Variants in RAB11FIP4 observed in about 807,000 individuals in gnomAD.
RAB11FIP4 encodes rab11 family-interacting protein 4.
A neutral mutation model predicts 74.3 loss-of-function variants in RAB11FIP4; 23 were observed. The ratio of observed to expected loss-of-function variants is 0.31; its 90% CI spans 0.22 to 0.44. The LOEUF (loss-of-function observed/expected upper bound fraction) is 0.44, where lower values mean the gene tolerates loss of function less well. Among genes scored for constraint, RAB11FIP4 ranks in the 20% least tolerant of loss-of-function variants. RAB11FIP4 has a pLI of 1.00. For synonymous variants in RAB11FIP4, 360 were observed against 359.9 expected, an observed-to-expected ratio of 1.00 and a Z score of 0.00; for missense variants, 630 against 863.9, an observed-to-expected ratio of 0.73 and a Z score of 3.39.
intron 3 of RAB11FIP4, among the ~76,000 whole-genome samples, chr17:31,502,793 A>G (rs1383120941): frequency 6.6e-6 from 1 of 152,082 alleles, no homozygotes; most frequent in African/African-American, 2.4e-5. Context: ...GTAAACAACC[A>G]AAGTGTGTTT....
chr17:31,481,643 C>A (rs2071850470), intron 3 of RAB11FIP4, among the ~76,000 whole-genome samples: 1 of 152,146 alleles, frequency 6.6e-6, no homozygotes, highest in South Asian at 2.1e-4. Context: ...TCACCCAATT[C>A]AAGTCAAAAG....
At chr17:31,522,850 A>G in intron 7 of RAB11FIP4, 1 of 178,026 alleles carries the variant, frequency 5.6e-6, no homozygotes, top group Non-Finnish European at 1.2e-5. Flanking sequence ...GTCCACACTC[A>G]GGGCTCTGGG....
intron 3 of RAB11FIP4, among the ~76,000 whole-genome samples, chr17:31,509,709 C>T (rs2072417462): frequency 1.3e-5 from 2 of 152,178 alleles, no homozygotes; most frequent in Admixed American, 1.3e-4. Flanking sequence ...TTTGATCTCA[C>T]AGTATGTGGT....
At chr17:31,478,612 A>G (rs929440599) in intron 3 of RAB11FIP4, among the ~76,000 whole-genome samples, 2 of 152,152 alleles carry the variant, frequency 1.3e-5, no homozygotes, top group African/African-American at 4.8e-5. Context: ...GAAGACAACA[A>G]ATACTGCTTC....
intron 1 of RAB11FIP4, among the ~76,000 whole-genome samples, chr17:31,430,764 AGGATGAT>A (rs1271125425): frequency 1.3e-5 from 2 of 152,200 alleles, no homozygotes; most frequent in African/African-American, 4.8e-5. Flanking sequence ...CAGGAGAGAC[AGGATGAT>A]GGCTATGACC....
chr17:31,464,219 AC>A (rs569933928), intron 3 of RAB11FIP4, among the ~76,000 whole-genome samples: 2 of 146,386 alleles, frequency 1.4e-5, no homozygotes, highest in African/African-American at 2.5e-5. Context: ...AGTGTGGGGG[AC>A]CCCCCCAGCT....
At position 31,391,787 on chromosome 17, in the gene RAB11FIP4, G is replaced by A. The variant is rs2070873099; in HGVS notation, c.-66G>A. 1 of 970,132 alleles carries A rather than the reference G, an allele frequency of 1.0e-6. No individual in the cohort carries two copies. The highest frequency in any genetic ancestry group is 1.2e-6 in the Non-Finnish European group (1 of 818,608). 60.1% of individuals were successfully genotyped at this position (970,132 alleles called of 1,614,324 possible). A position where few individuals can be genotyped will look rare whatever the true frequency, so the allele number is the denominator to read the frequency against. ...GCGGCCCCGGAGGGCGCGCGGCGAT[G>A]GCGGCGGCGGGCAGGCGGCGGGCGC... On this transcript the variant is annotated 5_prime_UTR_variant, in exon 1 of 15. An upstream start codon of the reference 5' UTR is lost. Coordinates refer to ENST00000621161, the MANE Select transcript of RAB11FIP4 (RefSeq NM_032932.6).
intron 3 of RAB11FIP4, among the ~76,000 whole-genome samples, chr17:31,448,133 T>C (rs1332309334): frequency 1.3e-5 from 2 of 152,228 alleles, no homozygotes; most frequent in African/African-American, 4.8e-5. Flanking sequence ...TTAAATTGTT[T>C]TGCTTTAGAG....
chr17:31,445,562 ATATATATATATATATATTTTTTTTT>A lies in RAB11FIP4; in HGVS notation c.336+11442_336+11466del, dbSNP rs1370906619. On this transcript the variant is annotated intron_variant, in intron 3 of 14. Coordinates refer to ENST00000621161, the MANE Select transcript of RAB11FIP4 (RefSeq NM_032932.6). The stretch of plus-strand genomic sequence containing the variant: ...TATATATATATATATATATATATAT[ATATATATATATATATATTTTTTTTT>A]TTTTTTTTTTTTTTTTGACACGGAG... Among the ~76,000 whole-genome samples, 35 of 17,416 alleles carry A rather than the reference ATATATATATATATATATTTTTTTTT, an allele frequency of 2.0e-3. 1 individual carries two copies. The highest frequency in any genetic ancestry group is 3.5e-3 in the African/African-American group (23 of 6,556). The allele number at this position is 17,416 out of a possible 152,430, so 11.4% of individuals were successfully genotyped here. A position where few individuals can be genotyped will look rare whatever the true frequency, so the allele number is the denominator to read the frequency against.
At chr17:31,451,315 T>C (rs2071524665) in intron 3 of RAB11FIP4, among the ~76,000 whole-genome samples, 1 of 151,820 alleles carries the variant, frequency 6.6e-6, no homozygotes. Context: ...AAAAATTAGC[T>C]GGCCATGGTG....
Position 31,521,826 on chromosome 17 carries a change from G to T in RAB11FIP4, c.759-89G>T. 2.7e-6 allele frequency: 4 copies of T among 1,491,356 alleles called. No homozygotes were observed. The South Asian group carries it at 4.7e-5, about 18-fold the overall frequency. The allele number at this position is 1,491,356 out of a possible 1,614,324, so 92.4% of individuals were successfully genotyped here. ...CCGTAACAAGGTTCAAAGGTACTGG[G>T]GACTCAAGTAAAGTCAGCTCAGCAG... On this transcript the variant is annotated intron_variant, in intron 5 of 14. Coordinates refer to ENST00000621161, the MANE Select transcript of RAB11FIP4 (RefSeq NM_032932.6).
At chr17:31,438,977 T>C (rs1201953743) in intron 3 of RAB11FIP4, among the ~76,000 whole-genome samples, 1 of 152,022 alleles carries the variant, frequency 6.6e-6, no homozygotes, top group East Asian at 1.9e-4. Context: ...AGGTACCGCC[T>C]CCTCCAGGAA....
intron 4 of RAB11FIP4, among the ~76,000 whole-genome samples, chr17:31,520,124 A>G (rs2072635043): frequency 6.6e-6 from 1 of 152,058 alleles, no homozygotes; most frequent in Non-Finnish European, 1.5e-5. Flanking sequence ...AGACAAACTT[A>G]AAAAATAACA....
Position 31,517,638 on chromosome 17 carries a change from C to T in RAB11FIP4, c.337-13C>T. 6.3e-7 allele frequency: 1 copy of T among 1,588,322 alleles called. No homozygotes were observed. The highest frequency in any genetic ancestry group is 1.7e-4 in the Middle Eastern group (1 of 6,034). ...TGGCCTCACTTATCTTGTCTCTGCT[C>T]TCTCTTTCCCAGGGCAGCGAGGTCA... On this transcript the variant is annotated splice_polypyrimidine_tract_variant and intron_variant, in intron 3 of 14. Coordinates refer to ENST00000621161, the MANE Select transcript of RAB11FIP4 (RefSeq NM_032932.6).
intron 8 of RAB11FIP4, 34 bp downstream of exon 8, chr17:31,523,645 G>A: frequency 6.4e-7 from 1 of 1,560,594 alleles, no homozygotes; most frequent in Non-Finnish European, 8.8e-7. Flanking sequence ...GGGACTGAAT[G>A]CATGCCTGCT....
chr17:31,521,037 A>T, intron 4 of RAB11FIP4, 129 bp from the exon 5 acceptor site: 1 of 677,416 alleles, frequency 1.5e-6, no homozygotes, highest in Non-Finnish European at 2.5e-6. Flanking sequence ...AAATGTACTT[A>T]CCAGGTCAAG....
chr17:31,500,516 G>T (rs1440244825), intron 3 of RAB11FIP4, among the ~76,000 whole-genome samples: 1 of 152,238 alleles, frequency 6.6e-6, no homozygotes, highest in Non-Finnish European at 1.5e-5. Context: ...AAGGCTCCTT[G>T]TGTGAGGGCC....
At chr17:31,508,538 G>A (rs749063359) in intron 3 of RAB11FIP4, among the ~76,000 whole-genome samples, 13 of 152,206 alleles carry the variant, frequency 8.5e-5, no homozygotes, top group South Asian at 2.1e-4. Flanking sequence ...AGGCCCCACC[G>A]CCTTTGGGGC....
chr17:31,459,907 A>C (rs145866351), intron 3 of RAB11FIP4, among the ~76,000 whole-genome samples: 1 of 152,260 alleles, frequency 6.6e-6, no homozygotes, highest in African/African-American at 2.4e-5. Flanking sequence ...GCTTGTGTGG[A>C]GCCTGGGACT....
Sources: gnomAD v4.1 joint callset for allele counts (sites outside exome capture counted in the v4.1 genomes callset) on GRCh38, gnomAD v4.1.1 for gene constraint, MANE v1.5 for transcripts, NCBI Gene and HGNC (gene_info 2026-07-23, HGNC 2026-07-21) for gene names.